The following ITGAE variants were observed in gnomAD, a reference collection of about 807,000 sequenced individuals.
ITGAE encodes the protein integrin subunit alpha E.
In ITGAE, 99 loss-of-function variants were observed where a neutral mutation model predicts 136.5. The observed-to-expected ratio is 0.73, with a 90% confidence interval of 0.62 to 0.86. ITGAE has a LOEUF of 0.86. Ranked by LOEUF, ITGAE falls within the 40% of genes least tolerant of loss-of-function variation. The pLI, the probability that ITGAE is intolerant of heterozygous loss-of-function variation, is 0.00. For synonymous variants in ITGAE, 613 were observed against 591.8 expected (o/e 1.04, Z -0.52); for missense variants, 1,447 against 1,515.3 (o/e 0.95, Z 0.75).
chr17:3,749,581 G>A (rs1039358092), intron 16 of ITGAE, among the ~76,000 whole-genome samples: 4 of 152,212 alleles, frequency 2.6e-5, no homozygotes, highest in Admixed American at 1.3e-4. Context: ...TGTTCACTTC[G>A]GGATGACTGT....
intron 1 of ITGAE, among the ~76,000 whole-genome samples, chr17:3,794,224 G>A (rs915894730): frequency 2.6e-5 from 4 of 151,616 alleles, no homozygotes; most frequent in East Asian, 1.9e-4. Context: ...TGATCCGCCC[G>A]CCTCGGCCTC....
At chr17:3,755,502 C>T (rs1474629395) in intron 11 of ITGAE, among the ~76,000 whole-genome samples, 1 of 152,164 alleles carries the variant, frequency 6.6e-6, no homozygotes, top group African/African-American at 2.4e-5. Context: ...ATAAGCTGAC[C>T]CAGGCCGAGT....
At chr17:3,797,413 C>T (rs940130860) in intron 1 of ITGAE, among the ~76,000 whole-genome samples, 7 of 150,854 alleles carry the variant, frequency 4.6e-5, no homozygotes, top group South Asian at 2.1e-4. Context: ...GATCTGCCCA[C>T]CTTGGCCTCC....
chr17:3,725,803 C>A lies in ITGAE; in HGVS notation c.3085-2059G>T, dbSNP rs753584392. On this transcript the variant is annotated intron_variant, in intron 26 of 30. Transcript: ENST00000263087. ...ATGCGAACCAAGTTGTCTTCCTTGG[C>A]TACTGCAAAGAGCATTCTACACCAG... 2.5e-6 allele frequency: 4 copies of A among 1,609,836 alleles called. No homozygotes were observed. The African/African-American group carries it at 5.3e-5, about 22-fold the overall frequency.
chr17:3,780,171 G>GT (rs34188634), intron 1 of ITGAE, among the ~76,000 whole-genome samples: 4,220 of 120,446 alleles, frequency 0.035, 196 homozygotes, highest in African/African-American at 0.11. Flanking sequence ...TTGTTTATTT[G>GT]TTTTTTTTTT....
chr17:3,796,134 C>CGTGTGT lies in ITGAE; in HGVS notation c.34+4976_34+4977insACACAC, dbSNP rs1567565712. ...CTGTGTGCATCCCTGTGTGTGCATC[C>CGTGTGT]ATGTGTGTGCATCCGTGTGTGTGTG... On this transcript the variant is annotated intron_variant, in intron 1 of 30. Coordinates refer to ENST00000263087, the MANE Select transcript of ITGAE (RefSeq NM_002208.5). Among the ~76,000 whole-genome samples the CGTGTGT allele has an allele frequency of 8.3e-4, 24 of 29,052 alleles. 1 individual carries two copies. Among genetic ancestry groups the CGTGTGT allele is most frequent in the South Asian group, 5.5e-3 (8 of 1,464 alleles). 19.1% of individuals were successfully genotyped at this position (29,052 alleles called of 152,430 possible). A position where few individuals can be genotyped will look rare whatever the true frequency, so the allele number is the denominator to read the frequency against.
At chr17:3,750,608 A>T in intron 15 of ITGAE, 126 bp from the exon 16 acceptor site, 1 of 1,156,018 alleles carries the variant, frequency 8.7e-7, no homozygotes, top group Non-Finnish European at 1.2e-6. Context: ...CCGAGTCTAG[A>T]ACCAGGAAAG....
chr17:3,791,009 G>T (rs969772425), intron 1 of ITGAE, among the ~76,000 whole-genome samples: 1 of 151,820 alleles, frequency 6.6e-6, no homozygotes, highest in Non-Finnish European at 1.5e-5. Flanking sequence ...AAAAAAATTA[G>T]CCAGGCGTGG....
chr17:3,733,409 T>A, intron 21 of ITGAE, among the ~76,000 whole-genome samples: 1 of 152,066 alleles, frequency 6.6e-6, no homozygotes, highest in East Asian at 1.9e-4. Context: ...AAAACTACAC[T>A]TTGGTTTTGT....
chr17:3,750,416 C>G lies in ITGAE; in HGVS notation c.1960G>C (p.Asp654His). 3 of 1,614,230 alleles carry G rather than the reference C, an allele frequency of 1.9e-6. No individual in the cohort carries two copies. Among genetic ancestry groups the G allele is most frequent in the Non-Finnish European group, 2.5e-6 (3 of 1,180,048 alleles). ...TCGGCAAGGCCGTCGCCACTAATAT[C>G]AAAGCCACCAGCCATGGACATGCCG... ...YFGMSMAGGF[D>H]ISGDGLADIT... The change falls in exon 16 of 31, where the codon GAT becomes CAT. Residue 654 changes from aspartate (D) to histidine (H), a missense_variant. Transcript: ENST00000263087.
intron 1 of ITGAE, among the ~76,000 whole-genome samples, chr17:3,795,930 C>CAT (rs1555528529): frequency 1.8e-5 from 2 of 113,046 alleles, no homozygotes; most frequent in African/African-American, 6.9e-5. Flanking sequence ...TGTGTGCATC[C>CAT]GTGTGTGTGC....
At position 3,750,484 on chromosome 17, in the gene ITGAE, T is replaced by G; in HGVS notation, c.1894-2A>C. 1.2e-6 allele frequency: 2 copies of G among 1,613,904 alleles called. No homozygotes were observed. The highest frequency in any genetic ancestry group is 1.7e-6 in the Non-Finnish European group (2 of 1,179,952). On this transcript the variant is annotated splice_acceptor_variant, in intron 15 of 30. Coordinates refer to ENST00000263087, the MANE Select transcript of ITGAE (RefSeq NM_002208.5). LOFTEE classifies it high-confidence loss of function. ...GGCCACCGTGGAGGCTCTGATCCGC[T>G]GTGGAGGCAGAAACACAAGGCGTGG...
At chr17:3,725,921 CAAAA>C in intron 26 of ITGAE, 2 of 1,613,506 alleles carry the variant, frequency 1.2e-6, no homozygotes, top group Non-Finnish European at 1.7e-6. Context: ...AAACCAGCCT[CAAAA>C]AACTCCACTA....
chr17:3,796,128 T>TGTGAATCCATGTGTGTGC (rs2053088973), intron 1 of ITGAE, among the ~76,000 whole-genome samples: 1 of 123,572 alleles, frequency 8.1e-6, no homozygotes, highest in Non-Finnish European at 1.8e-5. Flanking sequence ...TCCCTGTGTG[T>TGTGAATCCATGTGTGTGC]GCATCCATGT....
chr17:3,791,743 G>A (rs2052945313), intron 1 of ITGAE, among the ~76,000 whole-genome samples: 2 of 152,192 alleles, frequency 1.3e-5, no homozygotes, highest in South Asian at 4.1e-4. Context: ...GAATCAGAAT[G>A]GGGCTGGGAG....
intron 2 of ITGAE, among the ~76,000 whole-genome samples, chr17:3,776,534 G>GAGCCAC (rs1772437686): frequency 6.6e-6 from 1 of 152,214 alleles, no homozygotes; most frequent in African/African-American, 2.4e-5. Context: ...CTGGCTGCCA[G>GAGCCAC]AGCCACAGCC....
chr17:3,750,342 A>G lies in ITGAE; in HGVS notation c.2024+10T>C. On this transcript the variant is annotated intron_variant, in intron 16 of 30. Coordinates refer to ENST00000263087, the MANE Select transcript of ITGAE (RefSeq NM_002208.5). The stretch of plus-strand genomic sequence containing the variant: ...GGCCTGGGACCCCAGAAAGCAGGAC[A>G]GAACCCTACCGGAACACAACCGCCT... The G allele has an allele frequency of 6.2e-7, 1 of 1,613,780 alleles. No homozygotes were observed. The highest frequency in any genetic ancestry group is 8.5e-7 in the Non-Finnish European group (1 of 1,179,876).
chr17:3,750,758 G>A (rs142768159), intron 15 of ITGAE, among the ~76,000 whole-genome samples: 219 of 152,256 alleles, frequency 1.4e-3, no homozygotes, highest in African/African-American at 4.6e-3. Flanking sequence ...GGCCAGGGAC[G>A]GGGTGGACCA....
chr17:3,800,896 C>A (rs143118798), intron 1 of ITGAE, among the ~76,000 whole-genome samples: 1 of 152,332 alleles, frequency 6.6e-6, no homozygotes, highest in Non-Finnish European at 1.5e-5. Context: ...CCCTGGCTGA[C>A]AGAACTGGCA....
Sources: allele counts gnomAD v4.1 joint callset (sites outside exome capture counted in the v4.1 genomes callset), GRCh38; gene constraint gnomAD v4.1.1; transcripts MANE v1.5; gene names NCBI Gene and HGNC (gene_info 2026-07-23, HGNC 2026-07-21).